Variants in NOL4L observed in about 807,000 individuals in gnomAD.
NOL4L encodes the protein nucleolar protein 4-like.
A neutral mutation model predicts 64.5 loss-of-function variants in NOL4L; 7 were observed. The ratio of observed to expected loss-of-function variants is 0.11; its 90% CI spans 0.06 to 0.20. The LOEUF (loss-of-function observed/expected upper bound fraction) is 0.20. NOL4L is among the 10% of genes least tolerant of loss of function. NOL4L has a pLI of 1.00. For missense variants in NOL4L, 680 were observed against 967.1 expected (o/e 0.70, Z 3.94); for synonymous variants, 413 against 401.0 (o/e 1.03, Z -0.36).
At position 32,538,482 on chromosome 20, in the gene NOL4L, C is replaced by CCTCCCTCT. The variant is rs1460676138; in HGVS notation, c.322-10570_322-10569insAGAGGGAG. Among the ~76,000 whole-genome samples, 91 of 145,386 alleles carry CCTCCCTCT rather than the reference C, an allele frequency of 6.3e-4. 1 individual carries two copies. In the South Asian group the frequency reaches 9.2e-3, roughly 15 times the overall value. On this transcript the variant is annotated intron_variant, in intron 1 of 10. Transcript: ENST00000621426. The stretch of plus-strand genomic sequence containing the variant: ...CCCTCGCTCCCTCCCTCCCTCCCTC[C>CCTCCCTCT]CTCCCTCCCTCCCTCCCTCCTCCTT...
chr20:32,468,186 A>G (rs1376674982), intron 5 of NOL4L, among the ~76,000 whole-genome samples: 1 of 152,146 alleles, frequency 6.6e-6, no homozygotes, highest in Non-Finnish European at 1.5e-5. Flanking sequence ...TCCATGGCAC[A>G]GCACCCAGGA....
chr20:32,554,175 G>A (rs1978491012), intron 1 of NOL4L, among the ~76,000 whole-genome samples: 2 of 151,998 alleles, frequency 1.3e-5, no homozygotes, highest in South Asian at 4.2e-4. Context: ...CAAAAAATTA[G>A]CCGGGCGTGG....
intron 4 of NOL4L, among the ~76,000 whole-genome samples, chr20:32,498,517 C>G (rs1031135039): frequency 6.6e-6 from 1 of 151,844 alleles, no homozygotes; most frequent in African/African-American, 2.4e-5. Flanking sequence ...CATTCCAGCA[C>G]TTTAGGAGGC....
chr20:32,530,395 G>T (rs942942573), intron 1 of NOL4L, among the ~76,000 whole-genome samples: 3 of 152,124 alleles, frequency 2.0e-5, no homozygotes, highest in African/African-American at 7.2e-5. Flanking sequence ...CAAAAAATTA[G>T]CCGGGCATGG....
chr20:32,449,284 C>T (rs1349383829), intron 10 of NOL4L, among the ~76,000 whole-genome samples: 2 of 152,226 alleles, frequency 1.3e-5, no homozygotes, highest in African/African-American at 2.4e-5. Flanking sequence ...TGAGGCTCCC[C>T]CAGCTACCCT....
intron 4 of NOL4L, chr20:32,475,416 C>T (rs981266788): frequency 7.9e-6 from 7 of 881,700 alleles, no homozygotes; most frequent in Non-Finnish European, 8.2e-6. Context: ...GGGTTCAGCT[C>T]AAGGGCCTGG....
intron 4 of NOL4L, among the ~76,000 whole-genome samples, chr20:32,496,077 C>T (rs1419183906): frequency 6.6e-6 from 1 of 152,150 alleles, no homozygotes; most frequent in Non-Finnish European, 1.5e-5. Context: ...CACCACTAGG[C>T]TTCACATCAC....
chr20:32,551,308 G>A (rs73613783), intron 1 of NOL4L, among the ~76,000 whole-genome samples: 50 of 150,462 alleles, frequency 3.3e-4, no homozygotes, highest in African/African-American at 1.1e-3. Context: ...CCCAGGAGGC[G>A]GAGGTTGCAG....
intron 1 of NOL4L, among the ~76,000 whole-genome samples, chr20:32,529,812 T>C (rs1365360551): frequency 1.3e-5 from 2 of 152,212 alleles, no homozygotes; most frequent in Non-Finnish European, 2.9e-5. Flanking sequence ...TCTCTCTCTC[T>C]CTGTGTGTAC....
intron 3 of NOL4L, among the ~76,000 whole-genome samples, chr20:32,517,121 T>TG (rs774779612): frequency 1.6e-4 from 25 of 152,268 alleles, no homozygotes; most frequent in Non-Finnish European, 2.8e-4. Flanking sequence ...CTCCTGGCAC[T>TG]GGGGGAGGGC....
chr20:32,504,074 A>G (rs2017033072), intron 4 of NOL4L, among the ~76,000 whole-genome samples: 1 of 152,166 alleles, frequency 6.6e-6, no homozygotes, highest in South Asian at 2.1e-4. Context: ...TTTATTATAT[A>G]CATTTATCAT....
intron 5 of NOL4L, among the ~76,000 whole-genome samples, chr20:32,457,344 C>T (rs909577001): frequency 1.3e-5 from 2 of 152,200 alleles, no homozygotes; most frequent in African/African-American, 4.8e-5. Flanking sequence ...CCGCGAGGGT[C>T]CCGGGGAGGT....
rs114268913 is a variant in NOL4L, at chr20:32,465,891, A to C, written c.841+8710T>G. On this transcript the variant is annotated intron_variant, in intron 5 of 10. Coordinates refer to ENST00000621426, the MANE Select transcript of NOL4L (RefSeq NM_001256798.2). ...AGGAGCCTGCAGGATGGAGCTCTGTATGTGTCCTGGGCTGAGGGGTGGTGG... is the reference window on the plus strand; with the variant it reads ...AGGAGCCTGCAGGATGGAGCTCTGTCTGTGTCCTGGGCTGAGGGGTGGTGG... 2.2e-3 allele frequency among the ~76,000 whole-genome samples: 338 copies of C among 151,472 alleles called. 3 individuals carry two copies. Among genetic ancestry groups the C allele is most frequent in the African/African-American group, 7.8e-3 (322 of 41,316 alleles).
intron 2 of NOL4L, among the ~76,000 whole-genome samples, chr20:32,521,354 G>A (rs750335906): frequency 2.0e-5 from 3 of 151,974 alleles, no homozygotes; most frequent in Non-Finnish European, 4.4e-5. Context: ...AGAACCAAAG[G>A]TCCTACAAGC....
chr20:32,583,179 G>A (rs1463689330), intron 1 of NOL4L, among the ~76,000 whole-genome samples: 3 of 151,576 alleles, frequency 2.0e-5, no homozygotes, highest in Non-Finnish European at 2.9e-5. Flanking sequence ...CAGATGGGCC[G>A]CCCGCCCTCC....
At chr20:32,471,562 A>G (rs1223715544) in intron 5 of NOL4L, among the ~76,000 whole-genome samples, 1 of 152,178 alleles carries the variant, frequency 6.6e-6, no homozygotes, top group Non-Finnish European at 1.5e-5. Flanking sequence ...ATCTGTGCTA[A>G]CTGCCTGGCT....
intron 1 of NOL4L, among the ~76,000 whole-genome samples, chr20:32,557,489 T>G (rs2145609669): frequency 6.6e-6 from 1 of 152,360 alleles, no homozygotes; most frequent in Admixed American, 6.5e-5. Context: ...CGGTTGGGCA[T>G]GCCCAGTGCT....
chr20:32,490,725 T>C (rs992363763), intron 4 of NOL4L, among the ~76,000 whole-genome samples: 2 of 152,202 alleles, frequency 1.3e-5, no homozygotes, highest in African/African-American at 4.8e-5. Context: ...CTGAAAACCA[T>C]GATAAAAGGT....
At chr20:32,580,197 G>A (rs1162694487) in intron 1 of NOL4L, among the ~76,000 whole-genome samples, 1 of 152,214 alleles carries the variant, frequency 6.6e-6, no homozygotes, top group African/African-American at 2.4e-5. Context: ...GTTTACTCAT[G>A]TGAAGGTAGC....
Sources: gnomAD v4.1 joint callset for allele counts (sites outside exome capture counted in the v4.1 genomes callset) on GRCh38, gnomAD v4.1.1 for gene constraint, MANE v1.5 for transcripts, NCBI Gene and HGNC (gene_info 2026-07-23, HGNC 2026-07-21) for gene names.